ZC3H12B: variants seen among roughly 807,000 people sequenced by gnomAD.
ZC3H12B encodes the protein zinc finger CCCH-type containing 12B.
In ZC3H12B, 7 loss-of-function variants were observed where a neutral mutation model predicts 43.9. That is an observed-to-expected ratio of 0.16 (90% confidence interval 0.09 to 0.30). The LOEUF (loss-of-function observed/expected upper bound fraction) is 0.30, where lower values mean the gene tolerates loss of function less well. Among genes scored for constraint, ZC3H12B ranks in the 10% least tolerant of loss-of-function variants. ZC3H12B has a pLI of 1.00. For synonymous variants in ZC3H12B, 222 were observed against 241.7 expected (o/e 0.92, Z 0.76); for missense variants, 475 against 670.2 (o/e 0.71, Z 3.22).
At chrX:65,227,539 G>T in the ZC3H12B span, among the ~76,000 whole-genome samples, 1 of 110,843 alleles carries the variant, frequency 9.0e-6, no homozygotes, top group African/African-American at 3.3e-5. Flanking sequence ...AATCAGAGCA[G>T]AACTGAAGGA....
the ZC3H12B span, among the ~76,000 whole-genome samples, chrX:65,214,192 G>A: frequency 2.7e-5 from 3 of 111,057 alleles, no homozygotes; most frequent in Non-Finnish European, 5.7e-5. Flanking sequence ...ACTGATAAGG[G>A]TGGCGGTTGC....
At chrX:65,450,904 CATATATACACACACACACATATAT>C (rs1486773663) in intron 3 of ZC3H12B, among the ~76,000 whole-genome samples, 2 of 79,080 alleles carry the variant, frequency 2.5e-5, no homozygotes, top group East Asian at 3.7e-4. Flanking sequence ...TATATATATA[CATATATACACACACACACATATAT>C]ATATATACAC....
At chrX:65,157,438 A>G in the ZC3H12B span, among the ~76,000 whole-genome samples, 1 of 112,191 alleles carries the variant, frequency 8.9e-6, no homozygotes, top group Non-Finnish European at 1.9e-5. Flanking sequence ...AATTAAATCT[A>G]TTACAATTAT....
At chrX:65,170,393 C>T in the ZC3H12B span, among the ~76,000 whole-genome samples, 352 of 111,889 alleles carry the variant, frequency 3.1e-3, 1 homozygote, top group African/African-American at 0.011. Context: ...GAGTTTCTGC[C>T]GAGAGATCTG....
the ZC3H12B span, among the ~76,000 whole-genome samples, chrX:65,212,622 A>G: frequency 1.2e-5 from 1 of 83,092 alleles, no homozygotes; most frequent in Non-Finnish European, 2.2e-5. Flanking sequence ...ATGATATATA[A>G]TATATATAAA....
chrX:65,138,557 CTT>C, the ZC3H12B span, among the ~76,000 whole-genome samples: 2 of 111,808 alleles, frequency 1.8e-5, no homozygotes, highest in Non-Finnish European at 3.8e-5. Flanking sequence ...TGTAGAAACT[CTT>C]TGAGATACTG....
chrX:65,379,771 T>C (rs910281483), intron 2 of ZC3H12B, among the ~76,000 whole-genome samples: 4 of 112,266 alleles, frequency 3.6e-5, no homozygotes, highest in Admixed American at 9.4e-5. Context: ...AAGGAGCTGA[T>C]GGAGCTGAAA....
intron 3 of ZC3H12B, among the ~76,000 whole-genome samples, chrX:65,467,913 C>T (rs777707706): frequency 8.9e-6 from 1 of 112,170 alleles, no homozygotes; most frequent in African/African-American, 3.2e-5. Flanking sequence ...GGGTTGTCTG[C>T]TTATTCTAAT....
intron 2 of ZC3H12B, among the ~76,000 whole-genome samples, chrX:65,381,130 C>G (rs1326607673): frequency 1.4e-4 from 16 of 111,361 alleles, no homozygotes. Context: ...AACTCTCCAC[C>G]CCAAATCAAC....
At chrX:65,128,285 A>G in the ZC3H12B span, among the ~76,000 whole-genome samples, 3 of 112,065 alleles carry the variant, frequency 2.7e-5, no homozygotes, top group East Asian at 2.8e-4. Context: ...TCTCAGTTCA[A>G]TATATTTTAT....
chrX:65,043,421 A>T, the ZC3H12B span, among the ~76,000 whole-genome samples: 1 of 110,789 alleles, frequency 9.0e-6, no homozygotes, highest in South Asian at 3.8e-4. Flanking sequence ...AGACCCAGAG[A>T]TAATTTATAA....
chrX:65,142,610 T>C, the ZC3H12B span, among the ~76,000 whole-genome samples: 2 of 112,760 alleles, frequency 1.8e-5, no homozygotes, highest in African/African-American at 6.4e-5. Context: ...CAATGCTATC[T>C]TCCAGAATTT....
chrX:65,178,334 A>G, the ZC3H12B span, among the ~76,000 whole-genome samples: 1 of 112,025 alleles, frequency 8.9e-6, no homozygotes, highest in Admixed American at 9.5e-5. Flanking sequence ...AGACAATACC[A>G]TTCAGGACAT....
intron 3 of ZC3H12B, among the ~76,000 whole-genome samples, chrX:65,439,684 G>A (rs891536675): frequency 8.9e-6 from 1 of 111,982 alleles, no homozygotes; most frequent in African/African-American, 3.2e-5. Flanking sequence ...AATACTCATG[G>A]CAGTGGTGAT....
At chrX:65,244,023 A>G in the ZC3H12B span, among the ~76,000 whole-genome samples, 1 of 111,627 alleles carries the variant, frequency 9.0e-6, no homozygotes, top group Non-Finnish European at 1.9e-5. Flanking sequence ...GTACAAAAAT[A>G]TAGTTAGAGG....
chrX:65,304,354 C>A, the ZC3H12B span, among the ~76,000 whole-genome samples: 3 of 111,782 alleles, frequency 2.7e-5, no homozygotes, highest in Non-Finnish European at 5.6e-5. Context: ...CGGTGGCTCA[C>A]GCCTGTAATC....
the ZC3H12B span, among the ~76,000 whole-genome samples, chrX:65,223,898 C>T: frequency 1.8e-5 from 2 of 111,985 alleles, no homozygotes; most frequent in Admixed American, 1.9e-4. Context: ...AGTGGAAATT[C>T]CTTAAAGAAC....
the ZC3H12B span, chrX:65,331,063 G>C: frequency 2.8e-5 from 9 of 321,775 alleles, no homozygotes; most frequent in African/African-American, 1.4e-4. Flanking sequence ...CTGTTCTCTG[G>C]AATGATTCAA....
chrX:65,315,176 C>G, the ZC3H12B span, among the ~76,000 whole-genome samples: 1 of 110,844 alleles, frequency 9.0e-6, no homozygotes, highest in Non-Finnish European at 1.9e-5. Context: ...TTAAATATCT[C>G]AACTATATGT....
Sources: gnomAD v4.1 joint callset for allele counts (sites outside exome capture counted in the v4.1 genomes callset) on GRCh38, gnomAD v4.1.1 for gene constraint, MANE v1.5 for transcripts, NCBI Gene and HGNC (gene_info 2026-07-23, HGNC 2026-07-21) for gene names.